Variants in NRAP observed in about 807,000 individuals in gnomAD.
The protein encoded by NRAP is nebulin related anchoring protein.
A neutral mutation model predicts 225.9 loss-of-function variants in NRAP; 189 were observed. The ratio of observed to expected loss-of-function variants is 0.84; its 90% confidence interval spans 0.74 to 0.94. The LOEUF (loss-of-function observed/expected upper bound fraction) is 0.94. Ranked by LOEUF, NRAP falls within the 40% of genes least tolerant of loss-of-function variation. The pLI, the probability that NRAP is intolerant of heterozygous loss-of-function variation, is 0.00. For missense variants in NRAP, 2,176 were observed against 2,168.7 expected, an observed-to-expected ratio of 1.00 and a Z score of -0.07; for synonymous variants, 769 against 790.7, an observed-to-expected ratio of 0.97 and a Z score of 0.46.
intron 7 of NRAP, 30 bp from the exon 8 acceptor site, chr10:113,650,575 C>T: frequency 2.1e-6 from 3 of 1,398,632 alleles, no homozygotes; most frequent in East Asian, 2.3e-5. Context: ...GAATCACATG[C>T]CCCATGTTTA....
chr10:113,661,007 G>C (rs1223177542), intron 3 of NRAP, among the ~76,000 whole-genome samples: 1 of 152,148 alleles, frequency 6.6e-6, no homozygotes, highest in African/African-American at 2.4e-5. Flanking sequence ...GAACTTAGCA[G>C]AGTGTTCAGT....
At position 113,615,779 on chromosome 10, in the gene NRAP, T is replaced by G. The variant is rs376065257; in HGVS notation, c.3011A>C (p.His1004Pro). 6.2e-7 allele frequency: 1 copy of G among 1,609,776 alleles called. No individual in the cohort carries two copies. The highest frequency in any genetic ancestry group is 1.1e-5 in the South Asian group (1 of 90,966). ...AGGGAGGTCAGCAGTCGGTGTGTAA[T>G]GATGCTTTATGTTTTCTCCTTGTTC... is the stretch of plus-strand genomic sequence containing the variant. Reference protein sequence around the residue: ...YREQGENIKHHYTPTADLPEV... With the variant: ...YREQGENIKHPYTPTADLPEV... Residue 1004 changes from histidine (H) to proline (P), a missense_variant, in exon 27 of 42, where the codon CAT becomes CCT. Physicochemically the swap from His to Pro is moderately conservative, Grantham distance 77. Coordinates refer to ENST00000359988, the MANE Select transcript of NRAP (RefSeq NM_198060.4).
At chr10:113,599,966 C>T (rs952178946) in intron 35 of NRAP, among the ~76,000 whole-genome samples, 7 of 152,194 alleles carry the variant, frequency 4.6e-5, no homozygotes, top group Non-Finnish European at 1.0e-4. Context: ...CAAGCTGCAG[C>T]TTTCAGTCCC....
At chr10:113,645,494 C>T (rs112028086) in intron 11 of NRAP, among the ~76,000 whole-genome samples, 4,299 of 152,098 alleles carry the variant, frequency 0.028, 212 homozygotes, top group African/African-American at 0.098. Flanking sequence ...CTCGGCTCAC[C>T]GCGACCTCCG....
chr10:113,623,700 T>C, intron 22 of NRAP, 64 bp from the exon 23 acceptor site: 3 of 997,980 alleles, frequency 3.0e-6, no homozygotes, highest in Admixed American at 1.9e-5. Context: ...CGTGAGAGCA[T>C]TTCTCTAGAT....
At chr10:113,644,928 G>A (rs1236210737) in intron 11 of NRAP, among the ~76,000 whole-genome samples, 1 of 152,206 alleles carries the variant, frequency 6.6e-6, no homozygotes, top group Non-Finnish European at 1.5e-5. Flanking sequence ...AAATGCAAAT[G>A]AGGGAAAATG....
chr10:113,604,623 C>T lies in NRAP; in HGVS notation c.4213G>A (p.Ala1405Thr), dbSNP rs752460783. ...LKMAWAKKAH[A>T]LQSELRYKSD... ...GCCACCCCTACCTCACTCTGCAGGG[C>T]ATGGGCTTTCTTGGCCCAGGCCATC... Residue 1405 changes from alanine (A) to threonine (T), a missense_variant, in exon 35 of 42, where the codon GCC becomes ACC. Ala to Thr is a moderately conservative substitution (Grantham distance 58). Coordinates refer to ENST00000359988, the MANE Select transcript of NRAP (RefSeq NM_198060.4). 1.9e-6 allele frequency: 3 copies of T among 1,613,694 alleles called. No homozygotes were observed. The Admixed American group carries it at 5.0e-5, about 27-fold the overall frequency.
chr10:113,612,277 A>T lies in NRAP; in HGVS notation c.3455T>A (p.Leu1152Gln), dbSNP rs2133934184. 6.2e-7 allele frequency: 1 copy of T among 1,614,164 alleles called. No homozygotes were observed. Among genetic ancestry groups the T allele is most frequent in the Admixed American group, 1.7e-5 (1 of 60,034 alleles). The change falls in exon 30 of 42, where the codon CTG (leucine) becomes CAG (glutamine). Residue 1152 changes from leucine (L) to glutamine (Q), a missense_variant. Physicochemically the swap from Leu to Gln is moderately radical, Grantham distance 113. Transcript: ENST00000359988. ...AGCTTTCTTGGCACAGCTCAGCCTC[A>T]GGTCTTCTGCCAAGGAAGTGTACTG... ...LPQYTSLAED[L>Q]RLSCAKKAHK... is the part of the protein sequence containing the mutation.
At chr10:113,654,940 G>A (rs1305462385) in intron 4 of NRAP, among the ~76,000 whole-genome samples, 4 of 152,184 alleles carry the variant, frequency 2.6e-5, no homozygotes, top group Non-Finnish European at 4.4e-5. Flanking sequence ...AGGCAGTGAT[G>A]GGCTCAGTAA....
At chr10:113,597,418 T>C (rs1219722315) in intron 36 of NRAP, among the ~76,000 whole-genome samples, 1 of 152,164 alleles carries the variant, frequency 6.6e-6, no homozygotes, top group East Asian at 1.9e-4. Context: ...CACAAAATAC[T>C]ACGGCTCCCC....
intron 25 of NRAP, among the ~76,000 whole-genome samples, chr10:113,618,026 G>A (rs913956866): frequency 4.6e-5 from 7 of 151,840 alleles, no homozygotes; most frequent in South Asian, 2.1e-4. Context: ...AGCGTATGCC[G>A]TCCAGTCACA....
chr10:113,654,015 G>A lies in NRAP; in HGVS notation c.465+6C>T. 10 of 1,575,514 alleles carry A rather than the reference G, an allele frequency of 6.3e-6. No individual in the cohort carries two copies. Among genetic ancestry groups the A allele is most frequent in the Non-Finnish European group, 7.9e-6 (9 of 1,144,988 alleles). The stretch of plus-strand genomic sequence containing the variant: ...CAATTCCTAAAGCAATTTCTAGGGT[G>A]CTTACCTCACCAAGAGACTTTCGAG... On this transcript the variant is annotated splice_donor_region_variant and intron_variant, in intron 5 of 41. Transcript: ENST00000359988.
At chr10:113,633,900 A>C (rs566203628) in intron 15 of NRAP, among the ~76,000 whole-genome samples, 1 of 152,304 alleles carries the variant, frequency 6.6e-6, no homozygotes, top group African/African-American at 2.4e-5. Flanking sequence ...TGACAGGTAC[A>C]TGGGGATTCA....
chr10:113,645,181 G>A (rs1849427680), intron 11 of NRAP, among the ~76,000 whole-genome samples: 1 of 152,212 alleles, frequency 6.6e-6, no homozygotes, highest in Non-Finnish European at 1.5e-5. Context: ...TCTTTCAGAT[G>A]TTTGATTTGT....
chr10:113,608,547 C>A, intron 31 of NRAP, 35 bp from the exon 32 acceptor site: 1 of 1,355,870 alleles, frequency 7.4e-7, no homozygotes, highest in Non-Finnish European at 1.0e-6. Context: ...GAAGACGACT[C>A]CGTAAGGGAT....
chr10:113,589,626 GC>G (rs780602056), intron 41 of NRAP, 39 bp downstream of exon 41: 19 of 1,466,038 alleles, frequency 1.3e-5, no homozygotes, highest in African/African-American at 2.6e-5. Context: ...TTTCCCCATG[GC>G]CTTGCAAGCC....
At chr10:113,629,145 T>A in intron 19 of NRAP, 124 bp from the exon 20 acceptor site, 1 of 737,864 alleles carries the variant, frequency 1.4e-6, no homozygotes, top group Non-Finnish European at 2.4e-6. Context: ...TCCCTGCTCC[T>A]TTATGGTCAG....
chr10:113,593,257 C>G (rs1053464280), intron 38 of NRAP, among the ~76,000 whole-genome samples: 4 of 152,172 alleles, frequency 2.6e-5, no homozygotes, highest in African/African-American at 9.7e-5. Context: ...AAGAACCGTC[C>G]TTTTGTCTCC....
chr10:113,623,806 T>C (rs1175561136), intron 22 of NRAP, among the ~76,000 whole-genome samples, 170 bp from the exon 23 acceptor site: 1 of 152,208 alleles, frequency 6.6e-6, no homozygotes, highest in Non-Finnish European at 1.5e-5. Context: ...GCCTTCTTCC[T>C]GCCTTAAGGC....
Sources: gnomAD v4.1 joint callset for allele counts (sites outside exome capture counted in the v4.1 genomes callset) on GRCh38, gnomAD v4.1.1 for gene constraint, MANE v1.5 for transcripts, NCBI Gene and HGNC (gene_info 2026-07-23, HGNC 2026-07-21) for gene names.